DPYD: variants seen among roughly 807,000 people sequenced by gnomAD.
DPYD encodes the protein dihydropyrimidine dehydrogenase, also known as dihydropyrimidine dehydrogenase [NADP(+)].
DPYD carries 109 observed loss-of-function variants against 116.2 expected under a neutral mutation model. The ratio of observed to expected loss-of-function variants is 0.94; its 90% confidence interval spans 0.80 to 1.10. The LOEUF is 1.10. Among genes scored for constraint, DPYD ranks in the 50% least tolerant of loss-of-function variants. DPYD has a pLI of 0.00. For missense variants in DPYD, 1,302 were observed against 1,254.5 expected (o/e 1.04, Z -0.57); for synonymous variants, 440 against 432.0 (o/e 1.02, Z -0.23).
At chr1:97,181,048 C>A (rs1209453578) in intron 20 of DPYD, among the ~76,000 whole-genome samples, 2 of 152,156 alleles carry the variant, frequency 1.3e-5, no homozygotes, top group Non-Finnish European at 2.9e-5. Flanking sequence ...CACACTCAGA[C>A]ATGGAAGTGG....
chr1:97,560,778 G>C (rs1484627355), intron 11 of DPYD, among the ~76,000 whole-genome samples: 3 of 152,150 alleles, frequency 2.0e-5, no homozygotes, highest in Non-Finnish European at 4.4e-5. Flanking sequence ...AGGGATGTGA[G>C]AAGCAGAAGG....
At chr1:97,321,575 C>T (rs1668275808) in intron 16 of DPYD, among the ~76,000 whole-genome samples, 1 of 100,946 alleles carries the variant, frequency 9.9e-6, no homozygotes, top group South Asian at 4.5e-4. Flanking sequence ...ATTAAAAAGT[C>T]AGGAAACAAC....
chr1:97,220,414 C>T (rs555450584), intron 19 of DPYD, among the ~76,000 whole-genome samples: 156 of 152,216 alleles, frequency 1.0e-3, no homozygotes, highest in Non-Finnish European at 1.9e-3. Flanking sequence ...AAATACATTC[C>T]CTTTCTTTAA....
intron 13 of DPYD, among the ~76,000 whole-genome samples, chr1:97,458,762 G>A (rs935444729): frequency 1.3e-5 from 2 of 152,194 alleles, no homozygotes; most frequent in African/African-American, 4.8e-5. Flanking sequence ...CTTAACCTGT[G>A]TGAGCCCCAA....
intron 14 of DPYD, among the ~76,000 whole-genome samples, chr1:97,429,516 A>G (rs563103101): frequency 1.4e-4 from 22 of 152,144 alleles, no homozygotes; most frequent in Non-Finnish European, 2.6e-4. Context: ...CGTTGTGTAT[A>G]TAGGAGAGAT....
chr1:97,574,759 A>C (rs1374407275), intron 10 of DPYD, among the ~76,000 whole-genome samples: 2 of 152,232 alleles, frequency 1.3e-5, no homozygotes, highest in Non-Finnish European at 2.9e-5. Context: ...ATGCAATCAG[A>C]AGTACTATGT....
intron 5 of DPYD, among the ~76,000 whole-genome samples, chr1:97,710,018 C>T (rs911715850): frequency 4.6e-5 from 7 of 151,682 alleles, no homozygotes; most frequent in African/African-American, 1.5e-4. Context: ...ATTCTACATA[C>T]CTCACAAGAG....
chr1:97,080,378 AGTT>A (rs1233137035), intron 22 of DPYD, among the ~76,000 whole-genome samples: 1 of 152,066 alleles, frequency 6.6e-6, no homozygotes, highest in Non-Finnish European at 1.5e-5. Context: ...ATATATATAT[AGTT>A]GTTTAAAAAA....
chr1:97,677,526 T>A (rs1000663919), intron 8 of DPYD, among the ~76,000 whole-genome samples: 1 of 152,142 alleles, frequency 6.6e-6, no homozygotes, highest in East Asian at 1.9e-4. Flanking sequence ...ACAAATGTAA[T>A]GTTGAAAAGT....
chr1:97,194,750 G>A (rs988276530), intron 19 of DPYD, among the ~76,000 whole-genome samples: 5 of 152,140 alleles, frequency 3.3e-5, no homozygotes, highest in South Asian at 4.1e-4. Flanking sequence ...TGATCCACCC[G>A]CCTCAGCCTC....
chr1:97,618,112 A>G lies in DPYD; in HGVS notation c.851-22946T>C, dbSNP rs748938880. The stretch of plus-strand genomic sequence containing the variant: ...TTGTCACCTGAAAGGTATAAAAATC[A>G]TTGCCCTGCCTTGCTTTTTGTCAAA... On this transcript the variant is annotated intron_variant, in intron 8 of 22. Transcript: ENST00000370192. Among the ~76,000 whole-genome samples the G allele has an allele frequency of 4.3e-4, 66 of 152,248 alleles. No individual in the cohort carries two copies. The Middle Eastern group carries it at 0.031, about 71-fold the overall frequency.
At chr1:97,651,857 T>C (rs1205263310) in intron 8 of DPYD, among the ~76,000 whole-genome samples, 1 of 152,116 alleles carries the variant, frequency 6.6e-6, no homozygotes, top group African/African-American at 2.4e-5. Context: ...ATCTAACACA[T>C]CAAATTGCTA....
chr1:97,528,551 G>C (rs937558736), intron 12 of DPYD, among the ~76,000 whole-genome samples: 1 of 151,942 alleles, frequency 6.6e-6, no homozygotes, highest in Admixed American at 6.6e-5. Context: ...CCAATTATCA[G>C]CTCTTTAGCA....
At chr1:97,212,195 T>C (rs1004340992) in intron 19 of DPYD, among the ~76,000 whole-genome samples, 6 of 152,128 alleles carry the variant, frequency 3.9e-5, no homozygotes, top group African/African-American at 1.2e-4. Flanking sequence ...ACCCAAAAGT[T>C]TTCTTGCATC....
chr1:97,183,631 C>G (rs557009361), intron 20 of DPYD, among the ~76,000 whole-genome samples: 2 of 152,040 alleles, frequency 1.3e-5, no homozygotes, highest in Admixed American at 6.6e-5. Flanking sequence ...CATAGCTTGC[C>G]AACTTCTAAA....
chr1:97,912,864 T>C (rs1318208091), intron 1 of DPYD, among the ~76,000 whole-genome samples: 2 of 152,030 alleles, frequency 1.3e-5, no homozygotes, highest in Admixed American at 6.6e-5. Flanking sequence ...CATAGAGAAA[T>C]ATCTGAAAGA....
At position 97,393,015 on chromosome 1, in the gene DPYD, G is replaced by C. The variant is rs116314519; in HGVS notation, c.1906-10554C>G. On this transcript the variant is annotated intron_variant, in intron 14 of 22. Coordinates refer to ENST00000370192, the MANE Select transcript of DPYD (RefSeq NM_000110.4). ...AAAATGTTATCCAGACCACTAAAAT[G>C]TTCTCCATACCAGCAATAAGGCTGT... Among the ~76,000 whole-genome samples the C allele has an allele frequency of 6.8e-3, 1,031 of 152,080 alleles. 13 individuals carry two copies. The highest frequency in any genetic ancestry group is 0.024 in the African/African-American group (997 of 41,516).
chr1:97,510,969 T>C (rs1198657646), intron 13 of DPYD, among the ~76,000 whole-genome samples: 2 of 151,866 alleles, frequency 1.3e-5, no homozygotes, highest in Non-Finnish European at 2.9e-5. Context: ...TCCGCAATTA[T>C]AGCAATCCCA....
intron 8 of DPYD, among the ~76,000 whole-genome samples, chr1:97,668,008 C>A (rs575565416): frequency 6.6e-6 from 1 of 152,118 alleles, no homozygotes; most frequent in African/African-American, 2.4e-5. Context: ...ATAGAATAGT[C>A]AAATTCATAG....
Sources: gnomAD v4.1 joint callset for allele counts (sites outside exome capture counted in the v4.1 genomes callset) on GRCh38, gnomAD v4.1.1 for gene constraint, MANE v1.5 for transcripts, NCBI Gene and HGNC (gene_info 2026-07-23, HGNC 2026-07-21) for gene names.